The following ANKHD1 variants were observed in gnomAD, a reference collection of about 807,000 sequenced individuals.
ANKHD1 encodes ankyrin repeat and KH domain containing 1.
Under a neutral mutation model 230.5 loss-of-function variants are expected in ANKHD1, and 31 were observed. The ratio of observed to expected loss-of-function variants is 0.13; its 90% CI spans 0.10 to 0.18. The LOEUF (loss-of-function observed/expected upper bound fraction) is 0.18. Ranked by LOEUF, ANKHD1 falls within the 10% of genes least tolerant of loss-of-function variation. The pLI is 1.00. For synonymous variants in ANKHD1, 1,074 were observed against 1,117.6 expected (o/e 0.96, Z 0.78); for missense variants, 2,256 against 3,071.3 (o/e 0.73, Z 6.27).
At chr5:140,522,221 G>A (rs1470541090) in intron 24 of ANKHD1, among the ~76,000 whole-genome samples, 1 of 152,084 alleles carries the variant, frequency 6.6e-6, no homozygotes, top group African/African-American at 2.4e-5. Flanking sequence ...ATAATATTTG[G>A]TCTTTTGTGA....
At chr5:140,433,530 G>T (rs912648637) in intron 1 of ANKHD1, among the ~76,000 whole-genome samples, 1 of 152,190 alleles carries the variant, frequency 6.6e-6, no homozygotes, top group Non-Finnish European at 1.5e-5. Context: ...ACTAGGGCTG[G>T]AAGTGATTTC....
At chr5:140,411,376 T>C (rs1581203104) in intron 1 of ANKHD1, among the ~76,000 whole-genome samples, 1 of 152,222 alleles carries the variant, frequency 6.6e-6, no homozygotes, top group Admixed American at 6.5e-5. Flanking sequence ...CTAGTTATCC[T>C]ACCTTCCAGA....
intron 13 of ANKHD1, 26 bp from the exon 14 acceptor site, chr5:140,486,932 G>T (rs1751530751): frequency 6.2e-7 from 1 of 1,603,334 alleles, no homozygotes; most frequent in Non-Finnish European, 8.5e-7. Flanking sequence ...GGTCTGAGAT[G>T]ATTTTTTTCT....
chr5:140,505,030 AT>A (rs1324537490), intron 16 of ANKHD1, 64 bp downstream of exon 16: 2 of 1,605,850 alleles, frequency 1.2e-6, no homozygotes, highest in African/African-American at 2.7e-5. Flanking sequence ...AAGGAAAATT[AT>A]TCTGCATTTA....
intron 1 of ANKHD1, among the ~76,000 whole-genome samples, chr5:140,428,231 G>A (rs1376152004): frequency 6.6e-6 from 1 of 151,994 alleles, no homozygotes; most frequent in Non-Finnish European, 1.5e-5. Context: ...TCCCAGACGG[G>A]GTGGCGGCCG....
intron 14 of ANKHD1, among the ~76,000 whole-genome samples, chr5:140,488,768 T>G (rs984994054): frequency 1.3e-5 from 2 of 151,810 alleles, no homozygotes; most frequent in African/African-American, 4.8e-5. Flanking sequence ...GGTGTGGTAG[T>G]GCACACCTGT....
chr5:140,456,653 A>G (rs1775218180), intron 7 of ANKHD1, among the ~76,000 whole-genome samples: 1 of 152,216 alleles, frequency 6.6e-6, no homozygotes. Context: ...AAAACTGGCT[A>G]GCCATATGTA....
At position 140,404,861 on chromosome 5, in the gene ANKHD1, C is replaced by T. The variant is rs971786853; in HGVS notation, c.306+2588C>T. On this transcript the variant is annotated intron_variant, in intron 1 of 33. Transcript: ENST00000360839. ...AGGCACACGCTACTGTGCCTGGCAA[C>T]CATTTGCTTTTTTATAAGTAATAGT... Among the ~76,000 whole-genome samples, 7 of 151,802 alleles carry T rather than the reference C, an allele frequency of 4.6e-5. No individual in the cohort carries two copies. The East Asian group carries it at 1.2e-3, about 25-fold the overall frequency.
chr5:140,536,093 T>C (rs1220086272), intron 30 of ANKHD1, among the ~76,000 whole-genome samples: 1 of 149,190 alleles, frequency 6.7e-6, no homozygotes, highest in South Asian at 2.1e-4. Flanking sequence ...TTCTATTGAT[T>C]GATTGATTGA....
At chr5:140,498,674 C>T (rs1479011751) in intron 15 of ANKHD1, among the ~76,000 whole-genome samples, 3 of 151,984 alleles carry the variant, frequency 2.0e-5, no homozygotes, top group Non-Finnish European at 4.4e-5. Context: ...TAATTTTAAT[C>T]TGGGTAAAAA....
At chr5:140,504,767 C>G (rs1752475746) in intron 15 of ANKHD1, 54 bp from the exon 16 acceptor site, 5 of 1,581,460 alleles carry the variant, frequency 3.2e-6, no homozygotes, top group African/African-American at 1.4e-5. Flanking sequence ...TTTCTATGTA[C>G]AAATAACCTT....
chr5:140,424,043 T>C (rs1239296648), intron 1 of ANKHD1, among the ~76,000 whole-genome samples: 4 of 152,326 alleles, frequency 2.6e-5, no homozygotes, highest in African/African-American at 9.6e-5. Context: ...CATAGTTATT[T>C]AGGATTTGGC....
intron 33 of ANKHD1, 103 bp downstream of exon 33, chr5:140,539,186 T>C: frequency 6.6e-7 from 1 of 1,511,404 alleles, no homozygotes; most frequent in Non-Finnish European, 8.9e-7. Context: ...TAATTGACCA[T>C]TTCGATCTGG....
At chr5:140,465,270 T>C (rs1776004884) in intron 10 of ANKHD1, 1 of 152,272 alleles carries the variant, frequency 6.6e-6, no homozygotes, top group Admixed American at 6.5e-5. Flanking sequence ...GTTGTTTCTC[T>C]GATTAGACAT....
At chr5:140,487,201 A>C in intron 14 of ANKHD1, 141 bp downstream of exon 14, 1 of 908,144 alleles carries the variant, frequency 1.1e-6, no homozygotes, top group Non-Finnish European at 1.5e-6. Context: ...AAATAGTCTT[A>C]CTATCTAAAA....
chr5:140,463,010 T>A (rs1433765844), intron 9 of ANKHD1, among the ~76,000 whole-genome samples: 2 of 151,960 alleles, frequency 1.3e-5, no homozygotes, highest in East Asian at 1.9e-4. Flanking sequence ...TATGCCCCGC[T>A]AATTTTTTTT....
intron 33 of ANKHD1, 101 bp downstream of exon 33, chr5:140,539,184 C>T: frequency 1.1e-5 from 16 of 1,507,878 alleles, no homozygotes; most frequent in Non-Finnish European, 1.3e-5. Context: ...CATAATTGAC[C>T]ATTTCGATCT....
intron 5 of ANKHD1, among the ~76,000 whole-genome samples, chr5:140,441,787 T>C (rs1340793132): frequency 3.3e-5 from 5 of 152,102 alleles, no homozygotes; most frequent in East Asian, 3.8e-4. Context: ...GGGGGCAAAA[T>C]TGGGTAACTA....
At chr5:140,430,993 A>C (rs761791227) in intron 1 of ANKHD1, among the ~76,000 whole-genome samples, 2 of 152,194 alleles carry the variant, frequency 1.3e-5, no homozygotes, top group Admixed American at 6.5e-5. Flanking sequence ...ATGCTAATGC[A>C]ATCTGAATTG....
Sources: allele counts gnomAD v4.1 joint callset (sites outside exome capture counted in the v4.1 genomes callset), GRCh38; gene constraint gnomAD v4.1.1; transcripts MANE v1.5; gene names NCBI Gene and HGNC (gene_info 2026-07-23, HGNC 2026-07-21).